Variants in CCKAR observed in about 807,000 individuals in gnomAD.
CCKAR encodes cholecystokinin receptor type A.
Under a neutral mutation model 29.8 loss-of-function variants are expected in CCKAR, and 21 were observed. The ratio of observed to expected loss-of-function variants is 0.70; its 90% confidence interval spans 0.50 to 1.01. The LOEUF (loss-of-function observed/expected upper bound fraction) is 1.01, where lower values mean the gene tolerates loss of function less well. Among genes scored for constraint, CCKAR ranks in the 50% least tolerant of loss-of-function variants. The probability of loss-of-function intolerance (pLI) is 0.00; values close to 1 mark genes in which losing one functional copy is unlikely to be tolerated. For missense variants in CCKAR, 570 were observed against 560.6 expected (o/e 1.02, Z -0.17); for synonymous variants, 238 against 221.3 (o/e 1.08, Z -0.67).
At position 26,481,728 on chromosome 4, in the gene CCKAR, C is replaced by T. The variant is rs147358942; in HGVS notation, c.1197G>A (p.Glu399=). 11 of 1,614,212 alleles carry T rather than the reference C, an allele frequency of 6.8e-6. No homozygotes were observed. The Admixed American group carries it at 1.8e-4, about 27-fold the overall frequency. ...TCCCGCCTTCCTCCTCCTCCCCCACCTCTCCCCTCGCCCCTGGGGGACCAG... is the reference window on the plus strand; with the variant it reads ...TCCCGCCTTCCTCCTCCTCCCCCACTTCTCCCCTCGCCCCTGGGGGACCAG... ...PNPGPPGARG[E]VGEEEEGGTT... Residue 399 remains glutamate (E), a synonymous_variant, in exon 5 of 5, where the codon GAG becomes GAA. Coordinates refer to ENST00000295589, the MANE Select transcript of CCKAR (RefSeq NM_000730.3).
intron 3 of CCKAR, among the ~76,000 whole-genome samples, chr4:26,485,038 A>T (rs1737420763): frequency 6.6e-6 from 1 of 151,602 alleles, no homozygotes; most frequent in Non-Finnish European, 1.5e-5. Context: ...ATAAAAATGC[A>T]AAAAAATTAG....
chr4:26,489,366 G>A lies in CCKAR; in HGVS notation c.231C>T (p.Asn77=). 1 of 1,614,192 alleles carries A rather than the reference G, an allele frequency of 6.2e-7. No homozygotes were observed. Among genetic ancestry groups the A allele is most frequent in the Non-Finnish European group, 8.5e-7 (1 of 1,180,040 alleles). Residue 77 remains asparagine, a synonymous_variant, in exon 2 of 5, where the codon AAC becomes AAT. Coordinates refer to ENST00000295589, the MANE Select transcript of CCKAR (RefSeq NM_000730.3). ...TGACAGCCAGGGAGAGGAGGAAGAT[G>A]TTGGTGACCGTCCGCATCCGCTTGT... ...IRNKRMRTVT[N]IFLLSLAVSD...
chr4:26,489,219 C>T lies in CCKAR; in HGVS notation c.364+14G>A, dbSNP rs747566096. Reference sequence around the variant, plus strand: ...TGGGGCAAGCTCCAGAAAGAGTCACCAGCAGCAACTTACCCATGAAGTAGG... The same window carrying T: ...TGGGGCAAGCTCCAGAAAGAGTCACTAGCAGCAACTTACCCATGAAGTAGG... On this transcript the variant is annotated intron_variant, in intron 2 of 4. Coordinates refer to ENST00000295589, the MANE Select transcript of CCKAR (RefSeq NM_000730.3). 12 of 1,613,466 alleles carry T rather than the reference C, an allele frequency of 7.4e-6. No individual in the cohort carries two copies. The East Asian group carries it at 2.7e-4, about 36-fold the overall frequency.
intron 4 of CCKAR, among the ~76,000 whole-genome samples, chr4:26,482,853 G>GGGGTCT (rs993632343): frequency 3.2e-4 from 48 of 152,310 alleles, no homozygotes; most frequent in African/African-American, 1.1e-3. Flanking sequence ...GTTATGGAAA[G>GGGGTCT]GGGTCTGTTT....
chr4:26,484,962 C>T (rs915765050), intron 3 of CCKAR, among the ~76,000 whole-genome samples: 4 of 151,638 alleles, frequency 2.6e-5, no homozygotes, highest in East Asian at 2.0e-4. Flanking sequence ...GAGGTCGAGG[C>T]GGGTGGATAA....
At chr4:26,487,391 T>C (rs556439084) in intron 2 of CCKAR, among the ~76,000 whole-genome samples, 1 of 152,340 alleles carries the variant, frequency 6.6e-6, no homozygotes, top group East Asian at 1.9e-4. Context: ...TGGATTTTAC[T>C]CTAAAGAGTT....
chr4:26,489,568 C>A lies in CCKAR; in HGVS notation c.113-84G>T. ...AACCGAAGCCAAGGGTGAATTCCTGCCGATTTTCCCCCCACCGGGGTGTAC... is the reference window on the plus strand; with the variant it reads ...AACCGAAGCCAAGGGTGAATTCCTGACGATTTTCCCCCCACCGGGGTGTAC... On this transcript the variant is annotated intron_variant, in intron 1 of 4. Coordinates refer to ENST00000295589, the MANE Select transcript of CCKAR (RefSeq NM_000730.3). 7 of 1,501,978 alleles carry A rather than the reference C, an allele frequency of 4.7e-6. No homozygotes were observed. In the South Asian group the frequency reaches 4.9e-5, roughly 10 times the overall value. 93.0% of individuals were successfully genotyped at this position (1,501,978 alleles called of 1,614,324 possible). A position where few individuals can be genotyped will look rare whatever the true frequency, so the allele number is the denominator to read the frequency against.
rs1395002085 is a variant in CCKAR, at chr4:26,482,151, G to C, written c.774C>G (p.Thr258=). 1.2e-6 allele frequency: 2 copies of C among 1,609,912 alleles called. No individual in the cohort carries two copies. Among genetic ancestry groups the C allele is most frequent in the Admixed American group, 1.7e-5 (1 of 59,846 alleles). ...KSAKERKPST[T]SSGKYEDSDG... ...CGCTGTCCTCATATTTGCCGCTGCT[G>C]GTGGTGCTAGGTTTCCTTTCTGGGT... is the stretch of plus-strand genomic sequence containing the variant. The change falls in exon 5 of 5, where the codon ACC becomes ACG. Residue 258 remains threonine (T), a synonymous_variant. Coordinates refer to ENST00000295589, the MANE Select transcript of CCKAR (RefSeq NM_000730.3).
In CCKAR at chr4:26,481,766, AG is replaced by A; in HGVS notation, c.1158del (p.Cys387AlafsTer35). ...CCTGGGGGACCAGGATTGGGGCAGC[AG>A]GGGAAGGTGGCCATGAAGCCGAGGC... is the stretch of plus-strand genomic sequence containing the variant. ...RFRLGFMATF[P>X]CCPNPGPPGA... On this transcript the variant is annotated frameshift_variant, in exon 5 of 5. Coordinates refer to ENST00000295589, the MANE Select transcript of CCKAR (RefSeq NM_000730.3). LOFTEE classifies it high-confidence loss of function. 1.2e-6 allele frequency: 2 copies of A among 1,614,096 alleles called. No individual in the cohort carries two copies. The highest frequency in any genetic ancestry group is 1.7e-6 in the Non-Finnish European group (2 of 1,179,996).
At chr4:26,485,988 TTTG>T in intron 2 of CCKAR, 90 bp from the exon 3 acceptor site, 1 of 1,155,642 alleles carries the variant, frequency 8.7e-7, no homozygotes, top group Non-Finnish European at 1.2e-6. Context: ...TCTGCACAGG[TTTG>T]ATATCAAAGG....
intron 1 of CCKAR, 103 bp from the exon 2 acceptor site, chr4:26,489,587 G>T: frequency 7.4e-7 from 1 of 1,353,978 alleles, no homozygotes; most frequent in East Asian, 2.4e-5. Flanking sequence ...CCCCCACCGG[G>T]GTGTACATCA....
At chr4:26,489,969 GGGACAATAA>G (rs1737526248) in intron 1 of CCKAR, among the ~76,000 whole-genome samples, 178 bp downstream of exon 1, 2 of 151,926 alleles carry the variant, frequency 1.3e-5, no homozygotes, top group Admixed American at 6.6e-5. Context: ...TCCCCCATGG[GGGACAATAA>G]GAATATTTGA....
chr4:26,484,067 T>C (rs1159016363), intron 3 of CCKAR, among the ~76,000 whole-genome samples: 3 of 152,160 alleles, frequency 2.0e-5, no homozygotes, highest in South Asian at 2.1e-4. Flanking sequence ...TAGTGCCTGG[T>C]TGGGTAGAGC....
chr4:26,489,636 A>G, intron 1 of CCKAR, 152 bp from the exon 2 acceptor site: 1 of 825,088 alleles, frequency 1.2e-6, no homozygotes, highest in East Asian at 2.7e-5. Flanking sequence ...ATTTTGCGGA[A>G]ACAAATTGAG....
intron 2 of CCKAR, among the ~76,000 whole-genome samples, chr4:26,488,403 C>A (rs1183906743): frequency 6.6e-6 from 1 of 152,088 alleles, no homozygotes; most frequent in Non-Finnish European, 1.5e-5. Flanking sequence ...CTTAGGGAGA[C>A]AAGGAAGAAT....
chr4:26,488,503 TA>T (rs1356608131), intron 2 of CCKAR, among the ~76,000 whole-genome samples: 2 of 152,180 alleles, frequency 1.3e-5, no homozygotes, highest in Non-Finnish European at 2.9e-5. Flanking sequence ...ATAAAAGCGC[TA>T]AAAAAATTTA....
At position 26,485,566 on chromosome 4, in the gene CCKAR, C is replaced by A; in HGVS notation, c.626+71G>T. On this transcript the variant is annotated intron_variant, in intron 3 of 4. Coordinates refer to ENST00000295589, the MANE Select transcript of CCKAR (RefSeq NM_000730.3). Reference sequence around the variant, plus strand: ...GATCCCCCAACCACTCTGGGCAAGGCATCTCAGTTTTTCATGATATTGCAA... The same window carrying A: ...GATCCCCCAACCACTCTGGGCAAGGAATCTCAGTTTTTCATGATATTGCAA... The A allele has an allele frequency of 4.6e-6, 7 of 1,529,168 alleles. 1 individual carries two copies. In the South Asian group the frequency reaches 8.3e-5, roughly 18 times the overall value. 94.7% of individuals were successfully genotyped at this position (1,529,168 alleles called of 1,614,324 possible).
chr4:26,490,016 CA>C, intron 1 of CCKAR, 139 bp downstream of exon 1: 2 of 609,534 alleles, frequency 3.3e-6, no homozygotes, highest in South Asian at 4.0e-5. Context: ...ATCTCTTCTC[CA>C]AACTTCTGAA....
Position 26,489,300 on chromosome 4 carries a change from G to T in CCKAR, c.297C>A (p.Leu99=). 1 of 1,614,176 alleles carries T rather than the reference G, an allele frequency of 6.2e-7. No individual in the cohort carries two copies. Among genetic ancestry groups the T allele is most frequent in the Non-Finnish European group, 8.5e-7 (1 of 1,180,028 alleles). The change falls in exon 2 of 5, where the codon CTC becomes CTA. Residue 99 remains leucine, a synonymous_variant. Transcript: ENST00000295589. ...TGAAATCCTTGAGCAGATTGGGGAT[G>T]AGGTTGAACGGCATGCAGAAGAGAC... is the stretch of plus-strand genomic sequence containing the variant. ...MLCLFCMPFN[L]IPNLLKDFIF... is the part of the protein sequence containing the mutation.
Sources: allele counts gnomAD v4.1 joint callset (sites outside exome capture counted in the v4.1 genomes callset), GRCh38; gene constraint gnomAD v4.1.1; transcripts MANE v1.5; gene names NCBI Gene and HGNC (gene_info 2026-07-23, HGNC 2026-07-21).